The following CRB1 variants were observed in gnomAD, a reference collection of about 807,000 sequenced individuals.
CRB1 encodes the protein protein crumbs homolog 1.
In CRB1, 83 loss-of-function variants were observed where a neutral mutation model predicts 120.0. That is an observed-to-expected ratio of 0.69 (90% CI 0.58 to 0.83). The LOEUF is 0.83. Ranked by LOEUF, CRB1 falls within the 40% of genes least tolerant of loss-of-function variation. The pLI is 0.00. For synonymous variants in CRB1, 625 were observed against 612.5 expected, an observed-to-expected ratio of 1.02 and a Z score of -0.30; for missense variants, 1,699 against 1,687.6, an observed-to-expected ratio of 1.01 and a Z score of -0.12.
intron 1 of CRB1, among the ~76,000 whole-genome samples, chr1:197,277,194 A>G (rs538152784): frequency 1.3e-5 from 2 of 152,088 alleles, no homozygotes; most frequent in South Asian, 2.1e-4. Context: ...TTCAACCACT[A>G]TCCCATTCTT....
At chr1:197,454,311 G>C (rs1346967301) in intron 11 of CRB1, among the ~76,000 whole-genome samples, 1 of 151,802 alleles carries the variant, frequency 6.6e-6, no homozygotes, top group African/African-American at 2.4e-5. Context: ...ACTTCAAATG[G>C]AGGAAAAATA....
rs187657107 is a variant in CRB1, at chr1:197,288,284, T to G, written c.70+19802T>G. 3.7e-3 allele frequency among the ~76,000 whole-genome samples: 563 copies of G among 151,996 alleles called. 5 individuals carry two copies. The highest frequency in any genetic ancestry group is 6.8e-3 in the Middle Eastern group (2 of 294). On this transcript the variant is annotated intron_variant, in intron 1 of 11. Coordinates refer to ENST00000367400, the MANE Select transcript of CRB1 (RefSeq NM_201253.3). ...CTCACAGAGGGCCAAGAATTGTACC[T>G]GTGCCCAGTAGCCAGACTGAATAAC...
chr1:197,319,771 T>C (rs1191737453), intron 1 of CRB1, among the ~76,000 whole-genome samples: 4 of 152,084 alleles, frequency 2.6e-5, no homozygotes, highest in Non-Finnish European at 5.9e-5. Context: ...AGGGAGATGA[T>C]GGCAAATGGA....
chr1:197,335,694 T>C (rs1659112372), intron 2 of CRB1, among the ~76,000 whole-genome samples: 1 of 152,078 alleles, frequency 6.6e-6, no homozygotes, highest in African/African-American at 2.4e-5. Flanking sequence ...GAGATGGCAT[T>C]TCACCATGTT....
intron 1 of CRB1, among the ~76,000 whole-genome samples, chr1:197,281,561 G>A (rs1209216765): frequency 1.3e-5 from 2 of 151,778 alleles, no homozygotes; most frequent in Non-Finnish European, 2.9e-5. Context: ...GCTCAGACTT[G>A]GCCAGAATGA....
intron 1 of CRB1, among the ~76,000 whole-genome samples, chr1:197,319,432 C>CAA (rs10646084): frequency 0.39 from 10,662 of 26,996 alleles, 3,600 homozygotes; most frequent in East Asian, 0.54. Flanking sequence ...GACTCCATCT[C>CAA]AAAAAAAAAA....
intron 5 of CRB1, among the ~76,000 whole-genome samples, chr1:197,368,653 GAGAT>G (rs368162023): frequency 1.3e-5 from 2 of 152,192 alleles, no homozygotes; most frequent in Non-Finnish European, 2.9e-5. Context: ...CCCTATGACA[GAGAT>G]AGATAACTAT....
At chr1:197,341,976 A>T (rs941250857) in intron 2 of CRB1, among the ~76,000 whole-genome samples, 12 of 152,294 alleles carry the variant, frequency 7.9e-5, no homozygotes, top group Middle Eastern at 3.4e-3. Flanking sequence ...TGTATACAAA[A>T]ACTTTGAGTG....
At chr1:197,392,435 A>G (rs1431969764) in intron 5 of CRB1, among the ~76,000 whole-genome samples, 2 of 152,128 alleles carry the variant, frequency 1.3e-5, no homozygotes, top group Non-Finnish European at 2.9e-5. Flanking sequence ...AACTGATACT[A>G]TAAAGGTAAC....
At chr1:197,355,828 T>C (rs889936738) in intron 4 of CRB1, among the ~76,000 whole-genome samples, 1 of 152,084 alleles carries the variant, frequency 6.6e-6, no homozygotes, top group African/African-American at 2.4e-5. Flanking sequence ...GGCCAGCCCA[T>C]AGAGGGGCTC....
chr1:197,205,092 G>A, the CRB1 span, among the ~76,000 whole-genome samples: 1 of 152,282 alleles, frequency 6.6e-6, no homozygotes. Flanking sequence ...CAAAGCTACT[G>A]ATTTGTGTAC....
chr1:197,379,784 A>C (rs1661852260), intron 5 of CRB1, among the ~76,000 whole-genome samples: 1 of 152,192 alleles, frequency 6.6e-6, no homozygotes, highest in South Asian at 2.1e-4. Context: ...TTTATATCTA[A>C]GCTTGTTCCT....
intron 1 of CRB1, 32 bp downstream of exon 1, chr1:197,268,514 G>T: frequency 6.9e-7 from 1 of 1,455,836 alleles, no homozygotes; most frequent in South Asian, 1.1e-5. Flanking sequence ...CATTTTTCCT[G>T]GTTTATTTCT....
chr1:197,454,348 G>A (rs1290390734), intron 11 of CRB1, among the ~76,000 whole-genome samples: 1 of 152,030 alleles, frequency 6.6e-6, no homozygotes, highest in Non-Finnish European at 1.5e-5. Context: ...GTTCATAAAT[G>A]TTATTTTGAT....
intron 11 of CRB1, among the ~76,000 whole-genome samples, chr1:197,463,785 C>T (rs1666633916): frequency 6.6e-6 from 1 of 152,134 alleles, no homozygotes; most frequent in South Asian, 2.1e-4. Flanking sequence ...CTATGTTCCA[C>T]CTTTTAGTTC....
intron 5 of CRB1, among the ~76,000 whole-genome samples, chr1:197,372,277 G>T (rs571366567): frequency 7.2e-5 from 11 of 152,130 alleles, no homozygotes; most frequent in Non-Finnish European, 1.6e-4. Context: ...TAGCCAGAAA[G>T]TAGTCTAAAG....
intron 1 of CRB1, among the ~76,000 whole-genome samples, chr1:197,300,301 C>G (rs1274815295): frequency 6.6e-6 from 1 of 151,886 alleles, no homozygotes; most frequent in Admixed American, 6.6e-5. Flanking sequence ...TTGTGCCAAA[C>G]AGCCAAGATG....
At chr1:197,398,740 T>C (rs574684683) in intron 5 of CRB1, among the ~76,000 whole-genome samples, 1 of 152,172 alleles carries the variant, frequency 6.6e-6, no homozygotes, top group Non-Finnish European at 1.5e-5. Flanking sequence ...GATAATCCTA[T>C]CAGGAAGATA....
chr1:197,370,873 C>T (rs567416380), intron 5 of CRB1, among the ~76,000 whole-genome samples: 4 of 152,168 alleles, frequency 2.6e-5, no homozygotes, highest in South Asian at 4.2e-4. Flanking sequence ...TGTAGACAAC[C>T]GATACAAACC....
Sources: gnomAD v4.1 joint callset for allele counts (sites outside exome capture counted in the v4.1 genomes callset) on GRCh38, gnomAD v4.1.1 for gene constraint, MANE v1.5 for transcripts, NCBI Gene and HGNC (gene_info 2026-07-23, HGNC 2026-07-21) for gene names.